Variants in HIVEP1 observed in about 807,000 individuals in gnomAD.
HIVEP1 encodes the protein HIVEP zinc finger 1, also known as zinc finger protein 40.
Under a neutral mutation model 180.0 loss-of-function variants are expected in HIVEP1, and 36 were observed. The observed-to-expected ratio is 0.20, with a 90% CI of 0.15 to 0.26. HIVEP1 has a LOEUF of 0.26. Ranked by LOEUF, HIVEP1 falls within the 10% of genes least tolerant of loss-of-function variation. HIVEP1 has a pLI of 1.00. For synonymous variants in HIVEP1, 1,239 were observed against 1,239.0 expected (o/e 1.00, Z 0.00); for missense variants, 3,143 against 3,268.7 (o/e 0.96, Z 0.94).
chr6:12,116,475 C>T (rs1283884963), intron 3 of HIVEP1, among the ~76,000 whole-genome samples: 1 of 151,974 alleles, frequency 6.6e-6, no homozygotes, highest in Non-Finnish European at 1.5e-5. Context: ...GTATTCTTCT[C>T]ACATATGCCT....
the HIVEP1 span, among the ~76,000 whole-genome samples, chr6:12,188,106 A>G: frequency 6.6e-6 from 1 of 152,210 alleles, no homozygotes. Context: ...ATAAAAGTTA[A>G]GATCATCTGT....
intron 1 of HIVEP1, among the ~76,000 whole-genome samples, chr6:12,013,215 C>G (rs1358320942): frequency 6.7e-6 from 1 of 150,366 alleles, no homozygotes; most frequent in East Asian, 2.0e-4. Context: ...CATTCCCCCC[C>G]TCCTCCTGGC....
intron 2 of HIVEP1, among the ~76,000 whole-genome samples, chr6:12,027,228 T>G (rs918196379): frequency 2.0e-5 from 3 of 152,212 alleles, no homozygotes; most frequent in African/African-American, 7.2e-5. Context: ...ATGAGAATGC[T>G]TTATCTTTCT....
chr6:12,112,821 C>A (rs73724358), intron 3 of HIVEP1, among the ~76,000 whole-genome samples: 5,907 of 152,238 alleles, frequency 0.039, 122 homozygotes, highest in Non-Finnish European at 0.047. Flanking sequence ...GCCCCTCCCC[C>A]ATGGCAAGGG....
chr6:12,010,368 T>G (rs1767207120), upstream of HIVEP1, among the ~76,000 whole-genome samples: 1 of 152,218 alleles, frequency 6.6e-6, no homozygotes, highest in Non-Finnish European at 1.5e-5. Context: ...GAGTATTCCA[T>G]TTTTAATCAT....
rs184979609 is a variant in HIVEP1, at chr6:12,108,976, A to G, written c.95-10914A>G. Among the ~76,000 whole-genome samples the G allele has an allele frequency of 9.2e-5, 14 of 151,990 alleles. No individual in the cohort carries two copies. The East Asian group carries it at 2.7e-3, about 30-fold the overall frequency. On this transcript the variant is annotated intron_variant, in intron 3 of 8. Coordinates refer to ENST00000379388, the MANE Select transcript of HIVEP1 (RefSeq NM_002114.4). ...TCATTGCCATTTCTTTTTATTTTTT[A>G]TTTTTATTTTTACTTTTTTTTGAGA...
chr6:12,105,519 T>G (rs535258005), intron 3 of HIVEP1, among the ~76,000 whole-genome samples: 10 of 152,330 alleles, frequency 6.6e-5, no homozygotes, highest in Admixed American at 2.0e-4. Context: ...TGATCATGTT[T>G]ATATTTTGTC....
the HIVEP1 span, among the ~76,000 whole-genome samples, chr6:12,172,301 T>A: frequency 6.6e-6 from 1 of 152,020 alleles, no homozygotes; most frequent in African/African-American, 2.4e-5. Context: ...TGAACAACTG[T>A]TCTTTTGAGG....
In HIVEP1 at chr6:12,125,441, T is replaced by A. The variant is rs992453675; in HGVS notation, c.5646T>A (p.His1882Gln). 3 of 1,614,036 alleles carry A rather than the reference T, an allele frequency of 1.9e-6. No individual in the cohort carries two copies. Among genetic ancestry groups the A allele is most frequent in the Non-Finnish European group, 2.5e-6 (3 of 1,180,024 alleles). The change falls in exon 4 of 9, where the codon CAT becomes CAA. Residue 1882 changes from histidine (H) to glutamine (Q), a missense_variant. Coordinates refer to ENST00000379388, the MANE Select transcript of HIVEP1 (RefSeq NM_002114.4). ...CACCTGCTCCTTCAGAAAATACTCA[T>A]ATTTCTCCTTTGAAATGTACAGACA... ...RSSPAPSENTHISPLKCTDNN... is the reference protein window; with the variant it reads ...RSSPAPSENTQISPLKCTDNN...
At chr6:12,009,347 T>A (rs988466410), upstream of HIVEP1, among the ~76,000 whole-genome samples, 2 of 151,934 alleles carry the variant, frequency 1.3e-5, no homozygotes, top group Non-Finnish European at 2.9e-5. Flanking sequence ...AAGAAAAACG[T>A]GTGTTGAGCT....
chr6:12,064,170 A>G (rs1936891268), intron 2 of HIVEP1, among the ~76,000 whole-genome samples: 1 of 152,032 alleles, frequency 6.6e-6, no homozygotes, highest in Admixed American at 6.5e-5. Context: ...ATGTATTGTG[A>G]CTCAGTGTTT....
Position 12,033,042 on chromosome 6 carries a change from A to G in HIVEP1, c.40+17374A>G, listed in dbSNP as rs1370248754. 2.0e-5 allele frequency among the ~76,000 whole-genome samples: 3 copies of G among 152,078 alleles called. No individual in the cohort carries two copies. The East Asian group carries it at 5.8e-4, about 29-fold the overall frequency. ...ATGTAGACGGTCCCTGACTTAACCA[A>G]TCGTTTGTCTTATGATTTTTCGACC... On this transcript the variant is annotated intron_variant, in intron 2 of 8. Transcript: ENST00000379388.
intron 7 of HIVEP1, among the ~76,000 whole-genome samples, chr6:12,159,502 C>T (rs1016731305): frequency 2.6e-5 from 4 of 152,112 alleles, no homozygotes; most frequent in Admixed American, 2.0e-4. Context: ...CTGTCTTATT[C>T]TTCCCCAGGG....
chr6:12,085,890 C>T (rs1005213391), intron 2 of HIVEP1, among the ~76,000 whole-genome samples: 7 of 152,132 alleles, frequency 4.6e-5, no homozygotes, highest in African/African-American at 1.2e-4. Flanking sequence ...TATTTCTTAA[C>T]GGCTCTAGGA....
intron 2 of HIVEP1, among the ~76,000 whole-genome samples, chr6:12,022,517 A>G (rs977335085): frequency 7.9e-5 from 12 of 152,184 alleles, no homozygotes; most frequent in East Asian, 1.9e-4. Flanking sequence ...TTTAATTACT[A>G]TAAAGACAAA....
chr6:12,094,372 G>A (rs1773665501), intron 3 of HIVEP1, among the ~76,000 whole-genome samples: 1 of 151,756 alleles, frequency 6.6e-6, no homozygotes, highest in African/African-American at 2.4e-5. Flanking sequence ...AGTAAAATTG[G>A]TATCTTAGAC....
intron 3 of HIVEP1, among the ~76,000 whole-genome samples, chr6:12,112,188 T>G (rs1774940672): frequency 6.6e-6 from 1 of 152,182 alleles, no homozygotes; most frequent in African/African-American, 2.4e-5. Flanking sequence ...AATTCTGGGT[T>G]GGACAATTTT....
chr6:12,059,289 C>T (rs931025090), intron 2 of HIVEP1, among the ~76,000 whole-genome samples: 11 of 152,130 alleles, frequency 7.2e-5, no homozygotes, highest in African/African-American at 1.7e-4. Flanking sequence ...CCACCTGCCT[C>T]GGCCTCCCAA....
At chr6:12,181,615 C>G in the HIVEP1 span, among the ~76,000 whole-genome samples, 1 of 152,168 alleles carries the variant, frequency 6.6e-6, no homozygotes, top group African/African-American at 2.4e-5. Context: ...TCTGTTATTA[C>G]AGAGAACTGA....
Sources: allele counts gnomAD v4.1 joint callset (sites outside exome capture counted in the v4.1 genomes callset), GRCh38; gene constraint gnomAD v4.1.1; transcripts MANE v1.5; gene names NCBI Gene and HGNC (gene_info 2026-07-23, HGNC 2026-07-21).